Variants in AFAP1 observed in about 807,000 individuals in gnomAD.
AFAP1 encodes actin filament-associated protein 1.
In AFAP1, 75 loss-of-function variants were observed where a neutral mutation model predicts 93.9. The observed-to-expected ratio is 0.80, with a 90% CI of 0.66 to 0.97. AFAP1 has a LOEUF of 0.97. Among genes scored for constraint, AFAP1 ranks in the 50% least tolerant of loss-of-function variants. AFAP1 has a pLI of 0.00. For synonymous variants in AFAP1, 517 were observed against 430.7 expected (o/e 1.20, Z -2.48); for missense variants, 1,201 against 1,050.8 (o/e 1.14, Z -1.98).
At chr4:7,878,163 C>T (rs1717624936) in intron 1 of AFAP1, among the ~76,000 whole-genome samples, 1 of 152,250 alleles carries the variant, frequency 6.6e-6, no homozygotes, top group Non-Finnish European at 1.5e-5. Flanking sequence ...GGGTAATAAC[C>T]AACACACACT....
intron 16 of AFAP1, among the ~76,000 whole-genome samples, chr4:7,770,281 G>A (rs1009623462): frequency 1.2e-4 from 18 of 152,152 alleles, no homozygotes; most frequent in African/African-American, 4.1e-4. Flanking sequence ...AGGGAAGCTC[G>A]AGCCATGGGG....
intron 9 of AFAP1, among the ~76,000 whole-genome samples, chr4:7,803,324 C>A (rs1719220547): frequency 6.6e-6 from 1 of 152,238 alleles, no homozygotes; most frequent in Admixed American, 6.5e-5. Context: ...AGGGCCCAGG[C>A]AACCCTTCAC....
At chr4:7,823,310 A>C (rs1170131513) in intron 6 of AFAP1, among the ~76,000 whole-genome samples, 1 of 152,118 alleles carries the variant, frequency 6.6e-6, no homozygotes, top group Non-Finnish European at 1.5e-5. Flanking sequence ...TTCTATGAAG[A>C]AAAAAAAGAA....
chr4:7,808,411 G>A (rs540653027), intron 9 of AFAP1, among the ~76,000 whole-genome samples: 1 of 152,074 alleles, frequency 6.6e-6, no homozygotes, highest in Non-Finnish European at 1.5e-5. Context: ...TTACATACAT[G>A]TTTCTGTGGT....
chr4:7,771,408 T>C (rs1715419279), intron 16 of AFAP1, among the ~76,000 whole-genome samples: 1 of 152,092 alleles, frequency 6.6e-6, no homozygotes, highest in Non-Finnish European at 1.5e-5. Context: ...TATATAATTG[T>C]ATTTTATATA....
chr4:7,855,560 C>T lies in AFAP1; in HGVS notation c.240G>A (p.Gly80=), dbSNP rs756907769. Residue 80 remains glycine, a synonymous_variant, in exon 4 of 18, where the codon GGG becomes GGA. Coordinates refer to ENST00000420658, the MANE Select transcript of AFAP1 (RefSeq NM_001134647.2). The part of the protein sequence containing the change: ...IPQPWLPPDS[G]PPPLPTSSLP... ...GGGAGGATGTTGGCAATGGTGGAGG[C>T]CCACTGTCAGGAGGCTGAGGAAGAA... is the stretch of plus-strand genomic sequence containing the variant. 2.5e-6 allele frequency: 4 copies of T among 1,613,382 alleles called. No individual in the cohort carries two copies. The South Asian group carries it at 3.3e-5, about 13-fold the overall frequency.
intron 1 of AFAP1, among the ~76,000 whole-genome samples, chr4:7,879,280 C>T (rs970271993): frequency 2.0e-5 from 3 of 152,204 alleles, no homozygotes; most frequent in African/African-American, 7.2e-5. Context: ...TTTATCTCAT[C>T]TGAGCCTCAC....
At chr4:7,768,794 T>C (rs1284203040) in intron 17 of AFAP1, 50 bp downstream of exon 17, 20 of 1,494,726 alleles carry the variant, frequency 1.3e-5, no homozygotes, top group Non-Finnish European at 1.7e-5. Flanking sequence ...TGCTGGGAGC[T>C]TAAAGTGCCT....
chr4:7,869,816 C>T (rs1269388643), intron 2 of AFAP1, among the ~76,000 whole-genome samples: 1 of 149,138 alleles, frequency 6.7e-6, no homozygotes, highest in African/African-American at 2.5e-5. Flanking sequence ...GAACTGCAAA[C>T]AAACAAAAGC....
chr4:7,937,882 G>A (rs1350790415), intron 1 of AFAP1, among the ~76,000 whole-genome samples: 2 of 152,162 alleles, frequency 1.3e-5, no homozygotes, highest in East Asian at 1.9e-4. Context: ...GAGAGTCAAA[G>A]AATTGCAGAT....
intron 1 of AFAP1, among the ~76,000 whole-genome samples, chr4:7,917,727 T>C (rs2149232722): frequency 6.6e-6 from 1 of 152,326 alleles, no homozygotes. Flanking sequence ...ATGTCTATTG[T>C]GATCACATCA....
At chr4:7,918,711 A>G in intron 1 of AFAP1, among the ~76,000 whole-genome samples, 1 of 141,642 alleles carries the variant, frequency 7.1e-6, no homozygotes, top group Admixed American at 7.0e-5. Flanking sequence ...GTCACCAGGA[A>G]ACAGGGCTGT....
intron 1 of AFAP1, among the ~76,000 whole-genome samples, chr4:7,874,356 C>CTTTTTT (rs869214535): frequency 5.3e-3 from 491 of 92,284 alleles, no homozygotes; most frequent in African/African-American, 9.3e-3. Flanking sequence ...TTGCCTTTTT[C>CTTTTTT]TTTTTTTTTT....
At chr4:7,769,490 G>T (rs1473669824) in intron 16 of AFAP1, among the ~76,000 whole-genome samples, 1 of 152,222 alleles carries the variant, frequency 6.6e-6, no homozygotes, top group Non-Finnish European at 1.5e-5. Context: ...AGAAAAGCAG[G>T]CTCCATGAGC....
intron 1 of AFAP1, among the ~76,000 whole-genome samples, chr4:7,922,715 G>A (rs1387448117): frequency 5.9e-5 from 9 of 152,316 alleles, no homozygotes; most frequent in African/African-American, 1.9e-4. Context: ...CGGGTGCGGC[G>A]GCTCATGCCT....
intron 16 of AFAP1, among the ~76,000 whole-genome samples, chr4:7,771,032 C>T (rs1411293205): frequency 2.0e-5 from 3 of 152,254 alleles, no homozygotes; most frequent in African/African-American, 7.2e-5. Context: ...CCTCCTAGCC[C>T]TTGGATTCCA....
At chr4:7,926,073 A>C (rs1344026422) in intron 1 of AFAP1, among the ~76,000 whole-genome samples, 2 of 152,192 alleles carry the variant, frequency 1.3e-5, no homozygotes, top group South Asian at 4.2e-4. Flanking sequence ...GTCGAGAAAA[A>C]GGCTGTTGAT....
In AFAP1 at chr4:7,939,097, G is replaced by A. The variant is rs1721564146; in HGVS notation, c.-3+559C>T. ...GGGCGGCGCAGAGCCCCACTCGCAG[G>A]GCGGCCGGGACCCACGCGCGTGGGT... On this transcript the variant is annotated intron_variant, in intron 1 of 17. Coordinates refer to ENST00000420658, the MANE Select transcript of AFAP1 (RefSeq NM_001134647.2). This position sits in a 1 kb window ranked among gnomAD's most constrained non-coding sequence, Gnocchi z 5.6. 1.3e-5 allele frequency: 2 copies of A among 159,864 alleles called. No individual in the cohort carries two copies. The highest frequency in any genetic ancestry group is 1.6e-4 in the South Asian group (1 of 6,180). The allele number at this position is 159,864 out of a possible 1,614,324, so 9.9% of individuals were successfully genotyped here.
At chr4:7,822,872 C>CCT (rs1721095887) in intron 6 of AFAP1, among the ~76,000 whole-genome samples, 1 of 151,162 alleles carries the variant, frequency 6.6e-6, no homozygotes, top group Non-Finnish European at 1.5e-5. Context: ...GGATTACAGG[C>CCT]GTGAGCCACT....
Sources: allele counts gnomAD v4.1 joint callset (sites outside exome capture counted in the v4.1 genomes callset), GRCh38; gene constraint gnomAD v4.1.1; non-coding constraint Gnocchi (gnomAD v3.1); transcripts MANE v1.5; gene names NCBI Gene and HGNC (gene_info 2026-07-23, HGNC 2026-07-21).